Variants in UNC13C observed in about 807,000 individuals in gnomAD.
UNC13C encodes unc-13 homolog C.
In UNC13C, 174 loss-of-function variants were observed where a neutral mutation model predicts 245.4. That is an observed-to-expected ratio of 0.71 (90% CI 0.63 to 0.80). The LOEUF (loss-of-function observed/expected upper bound fraction) is 0.80, where lower values mean the gene tolerates loss of function less well. Among genes scored for constraint, UNC13C ranks in the 30% least tolerant of loss-of-function variants. The probability of loss-of-function intolerance (pLI) is 0.00; values close to 1 mark genes in which losing one functional copy is unlikely to be tolerated. For synonymous variants in UNC13C, 992 were observed against 895.1 expected (o/e 1.11, Z -1.93); for missense variants, 2,829 against 2,602.9 (o/e 1.09, Z -1.89).
chr15:54,029,958 G>C (rs756100150), intron 2 of UNC13C, among the ~76,000 whole-genome samples: 4 of 152,214 alleles, frequency 2.6e-5, no homozygotes, highest in Admixed American at 6.5e-5. Flanking sequence ...GTAAAGGACA[G>C]CAGATCCAGG....
At chr15:53,967,640 C>T in the UNC13C span, among the ~76,000 whole-genome samples, 1 of 152,106 alleles carries the variant, frequency 6.6e-6, no homozygotes, top group Non-Finnish European at 1.5e-5. Flanking sequence ...TCTCTAGTTT[C>T]AAGAGATGTT....
At chr15:54,569,251 G>A (rs976137600) in intron 30 of UNC13C, among the ~76,000 whole-genome samples, 2 of 151,818 alleles carry the variant, frequency 1.3e-5, no homozygotes, top group African/African-American at 4.8e-5. Context: ...GTCATCCCTC[G>A]GTATCCCTGG....
chr15:54,198,112 G>T (rs2034414210), intron 4 of UNC13C, among the ~76,000 whole-genome samples: 1 of 152,032 alleles, frequency 6.6e-6, no homozygotes, highest in Non-Finnish European at 1.5e-5. Context: ...ATCTCCCTGG[G>T]AATGTAACTC....
intron 13 of UNC13C, among the ~76,000 whole-genome samples, chr15:54,303,406 T>A (rs7166553): frequency 0.14 from 20,830 of 152,138 alleles, 1,577 homozygotes; most frequent in Admixed American, 0.2. Flanking sequence ...AAAGAAAAGA[T>A]TAAGTTAAAT....
At position 53,978,474 on chromosome 15, in the gene UNC13C, A is replaced by G. The variant is rs1432054788; in HGVS notation, c.-710A>G. On this transcript the variant is annotated 5_prime_UTR_variant, in exon 1 of 33. Coordinates refer to ENST00000260323, the MANE Select transcript of UNC13C (RefSeq NM_001080534.3). The stretch of plus-strand genomic sequence containing the variant: ...CTCAGCCGCAGCCGGCGATGTGTGA[A>G]GTTCCCAGCACGCACTCAGCCCGGC... Among the ~76,000 whole-genome samples, 1 of 152,128 alleles carries G rather than the reference A, an allele frequency of 6.6e-6. No homozygotes were observed. The highest frequency in any genetic ancestry group is 2.4e-5 in the African/African-American group (1 of 41,426).
chr15:53,917,523 T>C, the UNC13C span, among the ~76,000 whole-genome samples: 7 of 152,372 alleles, frequency 4.6e-5, no homozygotes, highest in Admixed American at 2.6e-4. Flanking sequence ...GGCTTGATAC[T>C]GGTGGAGATC....
intron 19 of UNC13C, among the ~76,000 whole-genome samples, chr15:54,420,471 T>G (rs1236514034): frequency 2.7e-5 from 4 of 150,938 alleles, no homozygotes; most frequent in Non-Finnish European, 4.4e-5. Context: ...CAATATCTCG[T>G]TGGTCGCACA....
At chr15:54,369,956 T>C (rs976391510) in intron 17 of UNC13C, among the ~76,000 whole-genome samples, 5 of 152,120 alleles carry the variant, frequency 3.3e-5, no homozygotes, top group Non-Finnish European at 5.9e-5. Context: ...CATACTCTCC[T>C]TGTGTTTTTA....
the UNC13C span, among the ~76,000 whole-genome samples, chr15:53,951,146 C>T: frequency 2.0e-5 from 3 of 152,118 alleles, no homozygotes; most frequent in African/African-American, 7.2e-5. Flanking sequence ...TTATATATGT[C>T]TGCAACAAGT....
chr15:54,599,846 G>A (rs1899312834), intron 30 of UNC13C, among the ~76,000 whole-genome samples: 1 of 152,052 alleles, frequency 6.6e-6, no homozygotes, highest in African/African-American at 2.4e-5. Flanking sequence ...ACATAAAATA[G>A]TTAATGGTCT....
chr15:54,152,922 T>C (rs977880882), intron 4 of UNC13C, among the ~76,000 whole-genome samples: 1 of 152,100 alleles, frequency 6.6e-6, no homozygotes, highest in Non-Finnish European at 1.5e-5. Context: ...ATAGAGTATG[T>C]TTTTAGGTAT....
At chr15:53,948,805 C>T in the UNC13C span, among the ~76,000 whole-genome samples, 1 of 151,632 alleles carries the variant, frequency 6.6e-6, no homozygotes, top group South Asian at 2.1e-4. Context: ...GGTGAAGGCA[C>T]ACAGCTGACA....
chr15:53,880,453 G>C, the UNC13C span, among the ~76,000 whole-genome samples: 2 of 152,206 alleles, frequency 1.3e-5, no homozygotes, highest in African/African-American at 4.8e-5. Context: ...CGAACTACAC[G>C]TTTGGTTTTC....
At chr15:54,392,748 CT>C (rs150589878) in intron 17 of UNC13C, among the ~76,000 whole-genome samples, 6,063 of 151,972 alleles carry the variant, frequency 0.04, 347 homozygotes, top group African/African-American at 0.12. Context: ...AGGTCATGAA[CT>C]TGTAATCATC....
chr15:54,076,440 A>T (rs189183794), intron 2 of UNC13C, among the ~76,000 whole-genome samples: 3 of 152,038 alleles, frequency 2.0e-5, no homozygotes, highest in Admixed American at 2.0e-4. Context: ...ACATGAACTC[A>T]TCATTTTTTA....
chr15:54,409,066 A>C (rs2040365410), intron 18 of UNC13C, among the ~76,000 whole-genome samples: 1 of 152,160 alleles, frequency 6.6e-6, no homozygotes, highest in Non-Finnish European at 1.5e-5. Flanking sequence ...TCATTAGATA[A>C]CTATGAGAAA....
At position 54,014,781 on chromosome 15, in the gene UNC13C, TAGTGGAATG is replaced by T; in HGVS notation, c.1882_1890del (p.Gly628_Ser630del). The T allele has an allele frequency of 6.2e-7, 1 of 1,613,802 alleles. No homozygotes were observed. The highest frequency in any genetic ancestry group is 8.5e-7 in the Non-Finnish European group (1 of 1,179,816). Reference sequence around the variant, plus strand: ...AAACTGAAAACACAGAAACTGTGGATAGTGGAATGAGTAATGGCATGGTGTGTGCATCTG... The same window carrying T: ...AAACTGAAAACACAGAAACTGTGGATAGTAATGGCATGGTGTGTGCATCTG... On this transcript the variant is annotated inframe_deletion, in exon 2 of 33. Coordinates refer to ENST00000260323, the MANE Select transcript of UNC13C (RefSeq NM_001080534.3).
intron 20 of UNC13C, among the ~76,000 whole-genome samples, chr15:54,496,608 T>TAC (rs996058995): frequency 2.0e-5 from 3 of 152,006 alleles, no homozygotes; most frequent in East Asian, 1.9e-4. Flanking sequence ...TATATATATA[T>TAC]ATGTACACCA....
At chr15:54,528,297 A>G (rs1312020477) in intron 25 of UNC13C, among the ~76,000 whole-genome samples, 3 of 146,406 alleles carry the variant, frequency 2.0e-5, no homozygotes, top group Admixed American at 7.0e-5. Context: ...CATGTTTTGC[A>G]GTTTGGTTTT....
Sources: gnomAD v4.1 joint callset for allele counts (sites outside exome capture counted in the v4.1 genomes callset) on GRCh38, gnomAD v4.1.1 for gene constraint, MANE v1.5 for transcripts, NCBI Gene and HGNC (gene_info 2026-07-23, HGNC 2026-07-21) for gene names.